The following FSHR variants were observed in gnomAD, a reference collection of about 807,000 sequenced individuals.
FSHR encodes follicle-stimulating hormone receptor.
FSHR carries 46 observed loss-of-function variants against 52.1 expected under a neutral mutation model. The ratio of observed to expected loss-of-function variants is 0.88; its 90% CI spans 0.70 to 1.13. The LOEUF is 1.13. FSHR is among the 50% of genes most tolerant of loss of function. The probability of loss-of-function intolerance (pLI) is 0.00; values close to 1 mark genes in which losing one functional copy is unlikely to be tolerated. For missense variants in FSHR, 964 were observed against 834.6 expected, an observed-to-expected ratio of 1.16 and a Z score of -1.91; for synonymous variants, 399 against 309.6, an observed-to-expected ratio of 1.29 and a Z score of -3.03.
At chr2:48,986,237 C>G (rs1675509989) in intron 6 of FSHR, among the ~76,000 whole-genome samples, 1 of 151,944 alleles carries the variant, frequency 6.6e-6, no homozygotes. Context: ...GTTTTCTGTC[C>G]CTGTGTTAGT....
chr2:48,962,669 A>C lies in FSHR; in HGVS notation c.*64T>G. The C allele has an allele frequency of 6.7e-7, 1 of 1,499,532 alleles. No individual in the cohort carries two copies. The highest frequency in any genetic ancestry group is 9.3e-7 in the Non-Finnish European group (1 of 1,077,518). 92.9% of individuals were successfully genotyped at this position (1,499,532 alleles called of 1,614,324 possible). A position where few individuals can be genotyped will look rare whatever the true frequency, so the allele number is the denominator to read the frequency against. On this transcript the variant is annotated 3_prime_UTR_variant, in exon 10 of 10. Coordinates refer to ENST00000406846, the MANE Select transcript of FSHR (RefSeq NM_000145.4). ...GTAGAAGCACTGTCAGCTCTTTGTG[A>C]CATACCCTTCAAAGGCAAGACTGAA... is the stretch of plus-strand genomic sequence containing the variant.
intron 2 of FSHR, among the ~76,000 whole-genome samples, chr2:49,062,434 A>G (rs903457237): frequency 7.2e-5 from 11 of 152,196 alleles, no homozygotes; most frequent in Non-Finnish European, 2.9e-5. Context: ...TAAAGACTAA[A>G]ATGTAAGATC....
chr2:48,985,290 A>G (rs774245738), intron 6 of FSHR, among the ~76,000 whole-genome samples: 30 of 152,244 alleles, frequency 2.0e-4, no homozygotes, highest in Non-Finnish European at 2.9e-4. Flanking sequence ...TAAAGAGTGG[A>G]GGTGCTGGGG....
At chr2:48,979,225 A>G (rs1675128457) in intron 8 of FSHR, among the ~76,000 whole-genome samples, 1 of 152,068 alleles carries the variant, frequency 6.6e-6, no homozygotes, top group African/African-American at 2.4e-5. Context: ...CAGGAGAATA[A>G]CTTGAGGCCA....
intron 1 of FSHR, among the ~76,000 whole-genome samples, chr2:49,114,284 G>A (rs564748774): frequency 1.3e-5 from 2 of 152,164 alleles, no homozygotes; most frequent in Admixed American, 6.5e-5. Flanking sequence ...CATGGTGACT[G>A]GGGGCTGATC....
intron 1 of FSHR, among the ~76,000 whole-genome samples, chr2:49,092,362 T>G (rs1243889870): frequency 6.6e-6 from 1 of 152,170 alleles, no homozygotes; most frequent in Non-Finnish European, 1.5e-5. Context: ...ATGCCTTTTA[T>G]TTTTCTTTCT....
intron 2 of FSHR, among the ~76,000 whole-genome samples, chr2:49,049,286 G>A (rs965710440): frequency 6.6e-6 from 1 of 152,206 alleles, no homozygotes; most frequent in Non-Finnish European, 1.5e-5. Context: ...GTCAAGGAGA[G>A]TCCAAAGGGA....
Position 49,073,401 on chromosome 2 carries a change from T to C in FSHR, c.153-5111A>G, listed in dbSNP as rs113228162. 8.9e-3 allele frequency among the ~76,000 whole-genome samples: 1,355 copies of C among 152,122 alleles called. 20 individuals carry two copies. Among genetic ancestry groups the C allele is most frequent in the Middle Eastern group, 0.034 (10 of 294 alleles). ...ATATACAAAATCAGTAGCATTTCAA[T>C]ACATAAACAACATGCTGGCTGAAAG... On this transcript the variant is annotated intron_variant, in intron 1 of 9. Transcript: ENST00000406846.
chr2:48,970,943 G>A (rs1674714731), intron 8 of FSHR, among the ~76,000 whole-genome samples: 1 of 152,078 alleles, frequency 6.6e-6, no homozygotes, highest in South Asian at 2.1e-4. Flanking sequence ...CTCCTCTCCT[G>A]TGACTTTGGT....
chr2:49,144,386 T>A (rs1365518132), intron 1 of FSHR, among the ~76,000 whole-genome samples: 1 of 152,134 alleles, frequency 6.6e-6, no homozygotes, highest in Non-Finnish European at 1.5e-5. Context: ...GCATAACTAT[T>A]TGCACTTCTT....
At chr2:49,136,058 TA>T (rs901835922) in intron 1 of FSHR, among the ~76,000 whole-genome samples, 8 of 149,108 alleles carry the variant, frequency 5.4e-5, no homozygotes, top group African/African-American at 1.7e-4. Context: ...AAATAAGGAA[TA>T]AAAAAAAGAC....
intron 3 of FSHR, among the ~76,000 whole-genome samples, chr2:49,018,124 C>G (rs987284071): frequency 1.3e-5 from 2 of 152,126 alleles, no homozygotes; most frequent in Non-Finnish European, 1.5e-5. Flanking sequence ...GAAAAACAAT[C>G]GATATCTTTT....
At chr2:49,027,202 C>A (rs962731241) in intron 2 of FSHR, among the ~76,000 whole-genome samples, 1 of 152,186 alleles carries the variant, frequency 6.6e-6, no homozygotes, top group African/African-American at 2.4e-5. Context: ...GTATTTCTTG[C>A]AAACCTCCCT....
intron 4 of FSHR, among the ~76,000 whole-genome samples, chr2:49,012,699 C>G (rs1456013353): frequency 1.3e-5 from 2 of 152,152 alleles, no homozygotes; most frequent in Admixed American, 6.5e-5. Flanking sequence ...ACCAACAACT[C>G]AATCCTACTG....
intron 6 of FSHR, among the ~76,000 whole-genome samples, chr2:48,985,046 C>A (rs988444272): frequency 6.6e-6 from 1 of 152,094 alleles, no homozygotes; most frequent in Non-Finnish European, 1.5e-5. Flanking sequence ...AAAGGGAAAC[C>A]CACATTTATT....
chr2:49,151,448 G>C (rs906235198), intron 1 of FSHR, among the ~76,000 whole-genome samples: 1 of 152,052 alleles, frequency 6.6e-6, no homozygotes, highest in Non-Finnish European at 1.5e-5. Flanking sequence ...CCTGTTGATG[G>C]TGCTTCTGTT....
intron 4 of FSHR, among the ~76,000 whole-genome samples, chr2:49,003,769 C>T (rs1009143133): frequency 1.3e-5 from 2 of 151,628 alleles, no homozygotes; most frequent in African/African-American, 2.4e-5. Flanking sequence ...TGGAGAAAAC[C>T]TGGTCCCCCA....
At chr2:49,038,623 T>A (rs1668369417) in intron 2 of FSHR, among the ~76,000 whole-genome samples, 1 of 54,126 alleles carries the variant, frequency 1.8e-5, no homozygotes. Flanking sequence ...AGACTCTGTC[T>A]CAAAATAATA....
chr2:49,032,076 A>G (rs1418838590), intron 2 of FSHR, among the ~76,000 whole-genome samples: 2 of 152,188 alleles, frequency 1.3e-5, no homozygotes, highest in African/African-American at 2.4e-5. Flanking sequence ...TATTGAGTCA[A>G]GTAAACATAT....
Sources: gnomAD v4.1 joint callset for allele counts (sites outside exome capture counted in the v4.1 genomes callset) on GRCh38, gnomAD v4.1.1 for gene constraint, MANE v1.5 for transcripts, NCBI Gene and HGNC (gene_info 2026-07-23, HGNC 2026-07-21) for gene names.